The following TFAP4 variants were observed in gnomAD, a reference collection of about 807,000 sequenced individuals.
The protein encoded by TFAP4 is activating enhancer-binding protein 4.
TFAP4 carries 7 observed loss-of-function variants against 40.4 expected under a neutral mutation model. The observed-to-expected ratio is 0.17, with a 90% CI of 0.10 to 0.33. The LOEUF is 0.33. Ranked by LOEUF, TFAP4 falls within the 10% of genes least tolerant of loss-of-function variation. TFAP4 has a pLI of 1.00. For synonymous variants in TFAP4, 218 were observed against 181.4 expected (o/e 1.20, Z -1.62); for missense variants, 374 against 451.1 (o/e 0.83, Z 1.55).
intron 3 of TFAP4, 33 bp downstream of exon 3, chr16:4,262,291 C>T (rs372979225): frequency 8.2e-5 from 132 of 1,610,014 alleles, no homozygotes; most frequent in Admixed American, 4.5e-4. Context: ...ATGCCCATGC[C>T]AGGGAGAGGG....
In TFAP4 at chr16:4,272,713, G is replaced by A. The variant is rs755494562; in HGVS notation, c.34C>T (p.Pro12Ser). Reference protein sequence around the residue: ...EYFMVPTQKVPSLQHFRKTEK... With the variant: ...EYFMVPTQKVSSLQHFRKTEK... ...GTTTTCCTGAAATGTTGCAAAGAGG[G>A]CACCTTCTGAGTGGGCACCATGAAA... The change falls in exon 1 of 7, where the codon CCC becomes TCC. Residue 12 changes from proline to serine, a missense_variant. By Grantham distance (74) the Pro-to-Ser change is moderately conservative. This residue lies in a region of TFAP4 where 51 missense variants were observed against 59.3 expected (regional missense o/e 0.86). Coordinates refer to ENST00000204517, the MANE Select transcript of TFAP4 (RefSeq NM_003223.3). The A allele has an allele frequency of 3.7e-6, 6 of 1,613,436 alleles. No individual in the cohort carries two copies. Among genetic ancestry groups the A allele is most frequent in the African/African-American group, 2.7e-5 (2 of 74,878 alleles).
In TFAP4 at chr16:4,258,049, G is replaced by T; in HGVS notation, c.*6C>A. On this transcript the variant is annotated 3_prime_UTR_variant, in exon 7 of 7. Coordinates refer to ENST00000204517, the MANE Select transcript of TFAP4 (RefSeq NM_003223.3). ...CCCAGAAGGGAGAGGAGGGCTGGGG[G>T]GGTAGTCAGGGAAGCTCCCCGTCCC... 1.2e-6 allele frequency: 2 copies of T among 1,608,920 alleles called. No homozygotes were observed. Among genetic ancestry groups the T allele is most frequent in the Non-Finnish European group, 8.5e-7 (1 of 1,178,956 alleles).
chr16:4,258,460 C>T, intron 6 of TFAP4: 1 of 525,442 alleles, frequency 1.9e-6, no homozygotes, highest in Non-Finnish European at 3.4e-6. Flanking sequence ...ATCACCCAGG[C>T]TAGAGTGCAG....
chr16:4,267,903 C>G (rs1403903587), intron 1 of TFAP4: 1 of 152,612 alleles, frequency 6.6e-6, no homozygotes, highest in Non-Finnish European at 1.5e-5. Context: ...GTCTGCTGCC[C>G]TTCCCCTCGG....
At chr16:4,260,979 GTTT>G (rs757276756) in intron 4 of TFAP4, among the ~76,000 whole-genome samples, 11 of 152,146 alleles carry the variant, frequency 7.2e-5, no homozygotes, top group Non-Finnish European at 1.3e-4. Context: ...TTGTTTTTTG[GTTT>G]TTTTGAGCCA....
chr16:4,266,477 G>A (rs543012776), intron 1 of TFAP4: 1 of 152,040 alleles, frequency 6.6e-6, no homozygotes, highest in East Asian at 1.9e-4. Context: ...AGTACCCGCC[G>A]ACAGAGTCCT....
At chr16:4,269,800 A>T (rs1398509373) in intron 1 of TFAP4, among the ~76,000 whole-genome samples, 1 of 137,796 alleles carries the variant, frequency 7.3e-6, no homozygotes, top group Admixed American at 7.7e-5. Flanking sequence ...ACAGAGTGAG[A>T]GTCCATCTCA....
At position 4,272,339 on chromosome 16, in the gene TFAP4, G is replaced by T. The variant is rs990930653; in HGVS notation, c.89+319C>A. Among the ~76,000 whole-genome samples the T allele has an allele frequency of 9.9e-5, 15 of 152,192 alleles. 2 individuals carry two copies. In the South Asian group the frequency reaches 1.4e-3, roughly 15 times the overall value. On this transcript the variant is annotated intron_variant, in intron 1 of 6. Coordinates refer to ENST00000204517, the MANE Select transcript of TFAP4 (RefSeq NM_003223.3). ...GCAGGAGGGGGAAAGAGGAAGCGCG[G>T]GGGGGAAGGCCACCAGCACCAAGCA...
intron 1 of TFAP4, among the ~76,000 whole-genome samples, chr16:4,269,775 A>G (rs1301995211): frequency 6.6e-6 from 1 of 151,448 alleles, no homozygotes; most frequent in Non-Finnish European, 1.5e-5. Context: ...GCGCCACTGC[A>G]CTCCAGCCTG....
chr16:4,258,284 G>A (rs774349696), intron 6 of TFAP4, 35 bp from the exon 7 acceptor site: 82 of 1,523,622 alleles, frequency 5.4e-5, no homozygotes, highest in Non-Finnish European at 6.8e-5. Context: ...AGGCTCGGCC[G>A]GGGATACATG....
intron 1 of TFAP4, chr16:4,265,609 C>CAAAAAAAAAAAAAAA (rs71394667): frequency 5.1e-5 from 2 of 39,092 alleles, no homozygotes; most frequent in African/African-American, 2.2e-4. Flanking sequence ...GACCTTGTCT[C>CAAAAAAAAAAAAAAA]AAAAAAAAAA....
At chr16:4,272,591 C>G in intron 1 of TFAP4, 67 bp downstream of exon 1, 1 of 1,351,404 alleles carries the variant, frequency 7.4e-7, no homozygotes, top group Middle Eastern at 2.5e-4. Flanking sequence ...CACACGCGCG[C>G]CCGCCCGGGC....
In TFAP4 at chr16:4,272,716, C is replaced by A; in HGVS notation, c.31G>T (p.Val11Leu). The change falls in exon 1 of 7, where the codon GTG (valine) becomes TTG (leucine). Residue 11 changes from valine (V) to leucine (L), a missense_variant. Physicochemically the swap from Val to Leu is conservative, Grantham distance 32. Around this residue, in one of 6 missense-constraint regions of TFAP4, gnomAD observed 51 missense variants for 59.3 expected, o/e 0.86. Transcript: ENST00000204517. ...TTCCTGAAATGTTGCAAAGAGGGCA[C>A]CTTCTGAGTGGGCACCATGAAATAC... MEYFMVPTQK[V>L]PSLQHFRKTE... is the part of the protein sequence containing the mutation. The A allele has an allele frequency of 6.2e-7, 1 of 1,613,570 alleles. No individual in the cohort carries two copies.
intron 6 of TFAP4, 46 bp downstream of exon 6, chr16:4,260,044 C>G (rs764607746): frequency 2.5e-6 from 4 of 1,577,918 alleles, no homozygotes; most frequent in Non-Finnish European, 3.4e-6. Flanking sequence ...GAGCCTGTTC[C>G]CGGAGTATGA....
chr16:4,260,117 G>A lies in TFAP4; in HGVS notation c.795C>T (p.Ser265=). 1.2e-6 allele frequency: 2 copies of A among 1,609,798 alleles called. No homozygotes were observed. The highest frequency in any genetic ancestry group is 2.2e-5 in the South Asian group (2 of 90,810). Residue 265 remains serine, a synonymous_variant, in exon 6 of 7, where the codon TCC becomes TCT. Transcript: ENST00000204517. ...GCACGATGGTGTCCAGATTTTGCCG[G>A]GATGTGGAAACAGAGTTGATGACCG... The part of the protein sequence containing the change: ...PSSVINSVST[S]RQNLDTIVQA...
chr16:4,259,742 A>G (rs1228913232), intron 6 of TFAP4, among the ~76,000 whole-genome samples: 1 of 152,030 alleles, frequency 6.6e-6, no homozygotes, highest in African/African-American at 2.4e-5. Context: ...GTCCTAGGAG[A>G]TGGAGCTGAG....
intron 1 of TFAP4, among the ~76,000 whole-genome samples, chr16:4,270,321 C>T (rs190621625): frequency 8.5e-5 from 13 of 152,296 alleles, no homozygotes; most frequent in Non-Finnish European, 1.3e-4. Flanking sequence ...TGTGCAGCAC[C>T]GTGCCCTACA....
intron 1 of TFAP4, 30 bp from the exon 2 acceptor site, chr16:4,262,731 C>G: frequency 6.3e-7 from 1 of 1,598,508 alleles, no homozygotes; most frequent in Non-Finnish European, 8.5e-7. Context: ...CAGGCTCGGC[C>G]AAGGCGCCCT....
At chr16:4,267,767 T>C (rs755756092) in intron 1 of TFAP4, among the ~76,000 whole-genome samples, 24 of 152,190 alleles carry the variant, frequency 1.6e-4, no homozygotes, top group Non-Finnish European at 3.5e-4. Flanking sequence ...CACGGGATTC[T>C]CCCAAACCCA....
Sources: gnomAD v4.1 joint callset for allele counts (sites outside exome capture counted in the v4.1 genomes callset) on GRCh38, gnomAD v4.1.1 for gene constraint, gnomAD v4.1.1 regional missense constraint, MANE v1.5 for transcripts, NCBI Gene and HGNC (gene_info 2026-07-23, HGNC 2026-07-21) for gene names.